RGS7: variants seen among roughly 807,000 people sequenced by gnomAD.
RGS7 encodes regulator of G-protein signaling 7.
Under a neutral mutation model 81.1 loss-of-function variants are expected in RGS7, and 27 were observed. The ratio of observed to expected loss-of-function variants is 0.33; its 90% CI spans 0.25 to 0.46. The LOEUF (loss-of-function observed/expected upper bound fraction) is 0.46. Among genes scored for constraint, RGS7 ranks in the 20% least tolerant of loss-of-function variants. The pLI, the probability that RGS7 is intolerant of heterozygous loss-of-function variation, is 1.00. For missense variants in RGS7, 396 were observed against 607.4 expected, an observed-to-expected ratio of 0.65 and a Z score of 3.66; for synonymous variants, 208 against 207.7, an observed-to-expected ratio of 1.00 and a Z score of -0.01.
At chr1:241,097,118 C>T (rs1289136251) in intron 3 of RGS7, among the ~76,000 whole-genome samples, 2 of 151,828 alleles carry the variant, frequency 1.3e-5, no homozygotes, top group Non-Finnish European at 2.9e-5. Flanking sequence ...AAAACCAAGG[C>T]CTTTGAGAGC....
intron 6 of RGS7, among the ~76,000 whole-genome samples, chr1:240,918,089 G>A (rs1178353373): frequency 6.6e-6 from 1 of 152,142 alleles, no homozygotes; most frequent in African/African-American, 2.4e-5. Flanking sequence ...TAACGACAGA[G>A]CATCAAAATA....
chr1:241,142,169 C>T (rs902403267), intron 2 of RGS7, among the ~76,000 whole-genome samples: 9 of 152,210 alleles, frequency 5.9e-5, no homozygotes, highest in Admixed American at 2.6e-4. Flanking sequence ...GTACAACCTC[C>T]CTCCTGGCTG....
At chr1:241,248,102 T>A (rs2076638599) in intron 2 of RGS7, among the ~76,000 whole-genome samples, 1 of 152,154 alleles carries the variant, frequency 6.6e-6, no homozygotes, top group Admixed American at 6.5e-5. Context: ...ACTGAAGGTA[T>A]GTTATTAGGT....
At chr1:241,167,927 T>C (rs1021267747) in intron 2 of RGS7, among the ~76,000 whole-genome samples, 3 of 152,186 alleles carry the variant, frequency 2.0e-5, no homozygotes, top group South Asian at 2.1e-4. Context: ...TCATGGAAGC[T>C]GGAAGGGGCA....
At chr1:240,830,828 A>G (rs933006034) in intron 9 of RGS7, among the ~76,000 whole-genome samples, 1 of 152,218 alleles carries the variant, frequency 6.6e-6, no homozygotes, top group East Asian at 1.9e-4. Context: ...AATCGTGTCA[A>G]CCATTGAAGG....
intron 2 of RGS7, among the ~76,000 whole-genome samples, chr1:241,275,875 A>G (rs1198841676): frequency 6.6e-6 from 1 of 152,232 alleles, no homozygotes; most frequent in Non-Finnish European, 1.5e-5. Context: ...AGAAAGGTTT[A>G]TTTGTTTAAT....
At position 240,887,710 on chromosome 1, in the gene RGS7, AT is replaced by A. The variant is rs530606161; in HGVS notation, c.386-17592del. The stretch of plus-strand genomic sequence containing the variant: ...AATATACTGCCAATGATTTTTAAAT[AT>A]TTTTTTAAATTATCTCAAAATATAT... On this transcript the variant is annotated intron_variant, in intron 6 of 18. Coordinates refer to ENST00000440928, the MANE Select transcript of RGS7 (RefSeq NM_001364886.1). Among the ~76,000 whole-genome samples the A allele has an allele frequency of 1.1e-4, 17 of 152,256 alleles. No homozygotes were observed. In the East Asian group the frequency reaches 1.9e-3, roughly 17 times the overall value.
chr1:240,986,758 A>C lies in RGS7; in HGVS notation c.176-3629T>G, dbSNP rs1402822683. Among the ~76,000 whole-genome samples, 2 of 19,478 alleles carry C rather than the reference A, an allele frequency of 1.0e-4. 1 individual carries two copies. The highest frequency in any genetic ancestry group is 1.9e-4 in the Non-Finnish European group (2 of 10,682). 12.8% of individuals were successfully genotyped at this position (19,478 alleles called of 152,430 possible). On this transcript the variant is annotated intron_variant, in intron 3 of 18. Transcript: ENST00000440928. Reference sequence around the variant, plus strand: ...CCACCTCGCCCGGCTAATTTTTTGTATTTTTAGTAGAGACAGGGTTTCACC... The same window carrying C: ...CCACCTCGCCCGGCTAATTTTTTGTCTTTTTAGTAGAGACAGGGTTTCACC...
chr1:241,102,567 G>A (rs1266954111), intron 2 of RGS7, among the ~76,000 whole-genome samples: 1 of 152,156 alleles, frequency 6.6e-6, no homozygotes, highest in Non-Finnish European at 1.5e-5. Flanking sequence ...TCCTCTCTGG[G>A]ATGTCTGCTC....
At chr1:241,220,958 GA>G (rs1558202633) in intron 2 of RGS7, among the ~76,000 whole-genome samples, 2 of 43,220 alleles carry the variant, frequency 4.6e-5, no homozygotes, top group East Asian at 1.3e-3. Flanking sequence ...AGCAAGGAAG[GA>G]AGGAAGGAAG....
chr1:240,799,258 T>TGTGC (rs1304864149), intron 18 of RGS7, among the ~76,000 whole-genome samples: 1 of 143,380 alleles, frequency 7.0e-6, no homozygotes, highest in African/African-American at 2.7e-5. Context: ...ATGGTTTGTG[T>TGTGC]GTGTGTGTGT....
chr1:240,962,541 T>C (rs1045293403), intron 4 of RGS7, among the ~76,000 whole-genome samples: 1 of 152,148 alleles, frequency 6.6e-6, no homozygotes. Context: ...GCTCTGTCTA[T>C]AGGAAGTCAG....
chr1:241,306,919 G>A (rs1027119286), intron 2 of RGS7, among the ~76,000 whole-genome samples: 11 of 152,206 alleles, frequency 7.2e-5, no homozygotes, highest in African/African-American at 2.7e-4. Flanking sequence ...TGGCGTCCCA[G>A]TATTTTCTTT....
chr1:240,891,743 A>G (rs184918074), intron 6 of RGS7, among the ~76,000 whole-genome samples: 3 of 152,362 alleles, frequency 2.0e-5, no homozygotes, highest in Non-Finnish European at 4.4e-5. Flanking sequence ...ATATTTTGCT[A>G]TACATTTCAC....
intron 2 of RGS7, among the ~76,000 whole-genome samples, chr1:241,192,418 CA>C (rs2072760237): frequency 6.6e-6 from 1 of 152,044 alleles, no homozygotes; most frequent in Admixed American, 6.6e-5. Flanking sequence ...GGCCCCAGCT[CA>C]AATGTTTCTT....
At chr1:241,115,603 C>G (rs1485296128) in intron 2 of RGS7, among the ~76,000 whole-genome samples, 2 of 152,226 alleles carry the variant, frequency 1.3e-5, no homozygotes, top group Non-Finnish European at 2.9e-5. Flanking sequence ...ATGGTTTGAG[C>G]CTGGCTTCTC....
At chr1:240,998,945 T>C (rs560388999) in intron 3 of RGS7, among the ~76,000 whole-genome samples, 40 of 152,308 alleles carry the variant, frequency 2.6e-4, no homozygotes, top group African/African-American at 8.7e-4. Flanking sequence ...TTAGATCTTT[T>C]GTTATAAACC....
chr1:241,016,552 AAACC>A (rs1358915272), intron 3 of RGS7, among the ~76,000 whole-genome samples: 5 of 146,070 alleles, frequency 3.4e-5, no homozygotes, highest in Admixed American at 2.0e-4. Flanking sequence ...ACAACAACAA[AAACC>A]AACCAAACAA....
intron 4 of RGS7, among the ~76,000 whole-genome samples, chr1:240,973,598 C>T (rs1683599730): frequency 6.6e-6 from 1 of 151,714 alleles, no homozygotes; most frequent in Admixed American, 6.6e-5. Flanking sequence ...CAGAGACATT[C>T]TTTTTTTTGG....
Sources: gnomAD v4.1 joint callset for allele counts (sites outside exome capture counted in the v4.1 genomes callset) on GRCh38, gnomAD v4.1.1 for gene constraint, MANE v1.5 for transcripts, NCBI Gene and HGNC (gene_info 2026-07-23, HGNC 2026-07-21) for gene names.